Variants in ECE1 observed in about 807,000 individuals in gnomAD.
ECE1 encodes the protein endothelin-converting enzyme 1.
In ECE1, 35 loss-of-function variants were observed where a neutral mutation model predicts 98.6. The observed-to-expected ratio is 0.35, with a 90% CI of 0.27 to 0.47. The LOEUF is 0.47. ECE1 is among the 20% of genes least tolerant of loss of function. The probability of loss-of-function intolerance (pLI) is 1.00; values close to 1 mark genes in which losing one functional copy is unlikely to be tolerated. For synonymous variants in ECE1, 394 were observed against 407.1 expected, an observed-to-expected ratio of 0.97 and a Z score of 0.39; for missense variants, 814 against 1,025.3, an observed-to-expected ratio of 0.79 and a Z score of 2.81.
chr1:21,316,309 C>T (rs190214794), intron 1 of ECE1, among the ~76,000 whole-genome samples: 40 of 152,292 alleles, frequency 2.6e-4, no homozygotes, highest in Non-Finnish European at 5.1e-4. Flanking sequence ...TGCTCTGTTG[C>T]CCAGGCTGGA....
At position 21,330,226 on chromosome 1, in the gene ECE1, C is replaced by CTT. The variant is rs71014186; in HGVS notation, c.3+15148_3+15149dup. The stretch of plus-strand genomic sequence containing the variant: ...CTCCTGCCCACATACTCGCCAAATA[C>CTT]TTTTTTTTTTTTTTTTTTTTTTTTT... On this transcript the variant is annotated intron_variant, in intron 1 of 18. Coordinates refer to the ECE1 transcript ENST00000415912. Among the ~76,000 whole-genome samples the CTT allele has an allele frequency of 2.5e-3, 110 of 43,396 alleles. 22 individuals carry two copies. Among genetic ancestry groups the CTT allele is most frequent in the African/African-American group, 6.7e-3 (83 of 12,442 alleles). 28.5% of individuals were successfully genotyped at this position (43,396 alleles called of 152,430 possible). A position where few individuals can be genotyped will look rare whatever the true frequency, so the allele number is the denominator to read the frequency against.
chr1:21,285,013 G>C (rs147995051), intron 2 of ECE1, among the ~76,000 whole-genome samples: 1 of 152,280 alleles, frequency 6.6e-6, no homozygotes, highest in African/African-American at 2.4e-5. Context: ...TCAGTTTGGG[G>C]AAGTTTCTTC....
intron 6 of ECE1, among the ~76,000 whole-genome samples, 195 bp from the exon 7 acceptor site, chr1:21,257,785 GC>G (rs11373995): frequency 0.054 from 8,111 of 150,450 alleles, 291 homozygotes; most frequent in Non-Finnish European, 0.08. Context: ...TGTCCACGTG[GC>G]CCCCCCCCGC....
At chr1:21,241,795 C>T (rs944305340) in intron 10 of ECE1, among the ~76,000 whole-genome samples, 1 of 152,172 alleles carries the variant, frequency 6.6e-6, no homozygotes, top group Non-Finnish European at 1.5e-5. Context: ...TCTCTGCCTA[C>T]AGGTCACGAA....
At chr1:21,335,470 G>A (rs556584246) in intron 1 of ECE1, among the ~76,000 whole-genome samples, 7 of 152,164 alleles carry the variant, frequency 4.6e-5, no homozygotes, top group Admixed American at 1.3e-4. Flanking sequence ...CAACCCTGAA[G>A]ATGAGGACGC....
chr1:21,267,523 C>A (rs936177877), intron 4 of ECE1, among the ~76,000 whole-genome samples: 3 of 152,092 alleles, frequency 2.0e-5, no homozygotes, highest in African/African-American at 7.2e-5. Context: ...AAAGAGCCGC[C>A]CCCGTGATTC....
chr1:21,278,821 G>T (rs1187623756), intron 3 of ECE1, among the ~76,000 whole-genome samples: 1 of 152,182 alleles, frequency 6.6e-6, no homozygotes, highest in African/African-American at 2.4e-5. Flanking sequence ...TAAAGTTGAA[G>T]AAGTCCTACG....
chr1:21,248,159 G>C (rs897654672), intron 8 of ECE1, among the ~76,000 whole-genome samples: 2 of 152,040 alleles, frequency 1.3e-5, no homozygotes, highest in Admixed American at 6.6e-5. Context: ...CACACAGCAG[G>C]CTGGTCAGCT....
At chr1:21,287,670 A>G (rs2098262173) in intron 2 of ECE1, among the ~76,000 whole-genome samples, 1 of 152,238 alleles carries the variant, frequency 6.6e-6, no homozygotes, top group African/African-American at 2.4e-5. Context: ...ACTACAGTGG[A>G]TTGAATAAAT....
At chr1:21,234,709 G>A (rs1018221530) in intron 13 of ECE1, among the ~76,000 whole-genome samples, 1 of 152,098 alleles carries the variant, frequency 6.6e-6, no homozygotes, top group Non-Finnish European at 1.5e-5. Flanking sequence ...AAACTCCTGA[G>A]CTCAATCAAT....
chr1:21,290,497 C>T (rs2098265601), upstream of ECE1: 2 of 1,216,002 alleles, frequency 1.6e-6, no homozygotes, highest in Non-Finnish European at 2.0e-6. The surrounding 1 kb of genome is among the most constrained non-coding windows in gnomAD (Gnocchi z 7.3). Context: ...CCTTCGCGGG[C>T]GGGGCCTGAT....
At chr1:21,264,357 C>T (rs1366359322) in intron 4 of ECE1, among the ~76,000 whole-genome samples, 1 of 148,816 alleles carries the variant, frequency 6.7e-6, no homozygotes, top group African/African-American at 2.5e-5. Flanking sequence ...CTCTGTCGCC[C>T]AGGCTGGAGT....
chr1:21,244,667 G>T (rs2098200814), intron 10 of ECE1, among the ~76,000 whole-genome samples: 1 of 152,140 alleles, frequency 6.6e-6, no homozygotes, highest in Non-Finnish European at 1.5e-5. Flanking sequence ...GCTGTTCTGT[G>T]TTTTACGTTT....
intron 8 of ECE1, among the ~76,000 whole-genome samples, chr1:21,251,579 G>A (rs1452428051): frequency 1.3e-5 from 2 of 152,188 alleles, no homozygotes; most frequent in African/African-American, 2.4e-5. Flanking sequence ...TCTTCCCACC[G>A]TGGCTGATGG....
intron 2 of ECE1, among the ~76,000 whole-genome samples, chr1:21,281,067 G>A (rs2098253897): frequency 6.6e-6 from 1 of 152,330 alleles, no homozygotes. Flanking sequence ...ACAGGCGCCT[G>A]TAATCCCAGC....
chr1:21,265,869 G>A (rs903693753), intron 4 of ECE1, among the ~76,000 whole-genome samples: 4 of 152,264 alleles, frequency 2.6e-5, no homozygotes, highest in African/African-American at 7.2e-5. Flanking sequence ...ACACATTTTG[G>A]AGACAGCAGC....
chr1:21,222,340 G>T lies in ECE1; in HGVS notation c.2041-498C>A, dbSNP rs979506181. 5.3e-5 allele frequency among the ~76,000 whole-genome samples: 8 copies of T among 152,102 alleles called. No individual in the cohort carries two copies. The East Asian group carries it at 9.7e-4, about 18-fold the overall frequency. ...TTCCCATTGCTCTACCCTGTCTCTT[G>T]CCTGGACAACCTCACAACAGCTTTC... On this transcript the variant is annotated intron_variant, in intron 17 of 18. Transcript: ENST00000374893.
chr1:21,217,260 G>T lies in ECE1; in HGVS notation c.*2695C>A. On this transcript the variant is annotated 3_prime_UTR_variant, in exon 19 of 19. Coordinates refer to ENST00000374893, the MANE Select transcript of ECE1 (RefSeq NM_001397.3). ...CCCAGACACATGGCCCTCCGTACAA[G>T]TATTTTATTTCCATTACAATAGTGC... is the stretch of plus-strand genomic sequence containing the variant. 1 of 152,344 alleles carries T rather than the reference G, an allele frequency of 6.6e-6. No homozygotes were observed. Among genetic ancestry groups the T allele is most frequent in the Non-Finnish European group, 1.5e-5 (1 of 68,080 alleles). 9.4% of individuals were successfully genotyped at this position (152,344 alleles called of 1,614,324 possible).
intron 17 of ECE1, among the ~76,000 whole-genome samples, chr1:21,223,633 T>C (rs561137380): frequency 6.9e-4 from 105 of 152,014 alleles, no homozygotes; most frequent in Admixed American, 2.6e-3. Context: ...GCCTGGCTAA[T>C]CTTTGTATTT....
Sources: gnomAD v4.1 joint callset for allele counts (sites outside exome capture counted in the v4.1 genomes callset) on GRCh38, gnomAD v4.1.1 for gene constraint, Gnocchi (gnomAD v3.1) non-coding constraint, MANE v1.5 for transcripts, NCBI Gene and HGNC (gene_info 2026-07-23, HGNC 2026-07-21) for gene names.